CADPS2: variants seen among roughly 807,000 people sequenced by gnomAD.
CADPS2 encodes the protein calcium-dependent secretion activator 2.
CADPS2 carries 93 observed loss-of-function variants against 172.5 expected under a neutral mutation model. The ratio of observed to expected loss-of-function variants is 0.54; its 90% CI spans 0.46 to 0.64. The LOEUF (loss-of-function observed/expected upper bound fraction) is 0.64. CADPS2 is among the 30% of genes least tolerant of loss of function. The pLI, the probability that CADPS2 is intolerant of heterozygous loss-of-function variation, is 0.00. For missense variants in CADPS2, 1,420 were observed against 1,565.9 expected, an observed-to-expected ratio of 0.91 and a Z score of 1.57; for synonymous variants, 546 against 555.2, an observed-to-expected ratio of 0.98 and a Z score of 0.23.
intron 2 of CADPS2, among the ~76,000 whole-genome samples, chr7:122,678,469 G>A (rs780968295): frequency 1.3e-5 from 2 of 152,168 alleles, no homozygotes; most frequent in Non-Finnish European, 2.9e-5. Flanking sequence ...ATCTCTCAAA[G>A]GCTTGGAGTT....
At chr7:122,434,759 C>T (rs997237612) in intron 17 of CADPS2, among the ~76,000 whole-genome samples, 2 of 152,246 alleles carry the variant, frequency 1.3e-5, no homozygotes, top group African/African-American at 2.4e-5. Flanking sequence ...CTAGCAATTT[C>T]CTGATGGGAT....
intron 2 of CADPS2, among the ~76,000 whole-genome samples, chr7:122,723,122 A>C (rs1279069042): frequency 1.3e-5 from 2 of 152,180 alleles, no homozygotes; most frequent in Non-Finnish European, 2.9e-5. Context: ...AGGCATGGGC[A>C]AGGACTTCAT....
At chr7:122,368,961 A>G (rs2041345907) in intron 25 of CADPS2, among the ~76,000 whole-genome samples, 1 of 152,174 alleles carries the variant, frequency 6.6e-6, no homozygotes, top group Non-Finnish European at 1.5e-5. Context: ...ATGGGACTAG[A>G]ATCCAACTTT....
At chr7:122,871,045 G>A (rs1357240860) in intron 1 of CADPS2, among the ~76,000 whole-genome samples, 1 of 151,870 alleles carries the variant, frequency 6.6e-6, no homozygotes, top group Non-Finnish European at 1.5e-5. Context: ...TATTGATGAA[G>A]ATACAGCAAT....
chr7:122,874,686 A>G (rs1283053598), intron 1 of CADPS2, among the ~76,000 whole-genome samples: 1 of 152,202 alleles, frequency 6.6e-6, no homozygotes, highest in Non-Finnish European at 1.5e-5. Context: ...AAACAGATAT[A>G]TAGACTAGTG....
At chr7:122,595,935 C>T (rs1653084930) in intron 6 of CADPS2, among the ~76,000 whole-genome samples, 1 of 152,048 alleles carries the variant, frequency 6.6e-6, no homozygotes, top group Non-Finnish European at 1.5e-5. Context: ...AATGTGAGGG[C>T]TCAAAACCAG....
At chr7:122,633,580 T>C (rs1200560938) in intron 3 of CADPS2, among the ~76,000 whole-genome samples, 1 of 152,170 alleles carries the variant, frequency 6.6e-6, no homozygotes, top group Non-Finnish European at 1.5e-5. Flanking sequence ...CATTTATCAG[T>C]TCGAGAAGCT....
intron 9 of CADPS2, among the ~76,000 whole-genome samples, chr7:122,506,727 TAA>T (rs5887092): frequency 2.6e-3 from 365 of 142,036 alleles, no homozygotes; most frequent in African/African-American, 7.5e-3. Context: ...TAGAGTTATT[TAA>T]AAAAAAAAAA....
intron 2 of CADPS2, 100 bp from the exon 3 acceptor site, chr7:122,663,669 A>AT (rs2080862185): frequency 2.4e-6 from 2 of 836,790 alleles, no homozygotes; most frequent in Non-Finnish European, 3.7e-6. Flanking sequence ...GTTTCTACAA[A>AT]TATTTCAGCC....
At chr7:122,353,547 T>C (rs2038963349) in intron 27 of CADPS2, among the ~76,000 whole-genome samples, 2 of 152,328 alleles carry the variant, frequency 1.3e-5, no homozygotes, top group East Asian at 1.9e-4. Context: ...CCTTAGTGTC[T>C]AGCATAGAGT....
intron 3 of CADPS2, among the ~76,000 whole-genome samples, chr7:122,658,958 C>T (rs928237698): frequency 1.3e-5 from 2 of 151,358 alleles, no homozygotes; most frequent in Non-Finnish European, 3.0e-5. Context: ...ACAAGAAACA[C>T]TAAACATTAA....
Position 122,791,212 on chromosome 7 carries a change from A to G in CADPS2, c.340-54144T>C, listed in dbSNP as rs372355312. ...TCTCATTTAGACATCACAGTCTTAT[A>G]TAATAAATTATTCTCCCTCCTAGGT... is the stretch of plus-strand genomic sequence containing the variant. On this transcript the variant is annotated intron_variant, in intron 1 of 29. Coordinates refer to ENST00000449022, the MANE Select transcript of CADPS2 (RefSeq NM_017954.11). Among the ~76,000 whole-genome samples the G allele has an allele frequency of 1.6e-4, 24 of 152,306 alleles. 2 individuals carry two copies. In the East Asian group the frequency reaches 2.1e-3, roughly 13 times the overall value.
intron 2 of CADPS2, among the ~76,000 whole-genome samples, chr7:122,666,651 A>C (rs1199517026): frequency 6.6e-6 from 1 of 152,090 alleles, no homozygotes; most frequent in Non-Finnish European, 1.5e-5. Context: ...CAGCTAACAC[A>C]ATTTTAAGCA....
chr7:122,767,463 G>A (rs773905493), intron 1 of CADPS2, among the ~76,000 whole-genome samples: 9 of 152,116 alleles, frequency 5.9e-5, no homozygotes, highest in Non-Finnish European at 5.9e-5. Context: ...CCATAGTTGT[G>A]CCAACCATAG....
intron 1 of CADPS2, among the ~76,000 whole-genome samples, chr7:122,770,332 G>A (rs2093671992): frequency 6.6e-6 from 1 of 152,068 alleles, no homozygotes; most frequent in South Asian, 2.1e-4. Flanking sequence ...AAAAAGTATA[G>A]AAAATATGAG....
At chr7:122,385,148 T>C (rs182651025) in intron 24 of CADPS2, among the ~76,000 whole-genome samples, 8 of 152,144 alleles carry the variant, frequency 5.3e-5, no homozygotes, top group Non-Finnish European at 2.9e-5. Context: ...GCCACTGGTA[T>C]CTAAGCTAGC....
chr7:122,574,378 G>A (rs954405067), intron 7 of CADPS2, among the ~76,000 whole-genome samples: 3 of 140,974 alleles, frequency 2.1e-5, no homozygotes, highest in Non-Finnish European at 4.5e-5. Context: ...CCTAGCAGGT[G>A]GAGGCTGCAG....
intron 17 of CADPS2, chr7:122,436,294 G>T: frequency 2.1e-6 from 2 of 966,662 alleles, no homozygotes; most frequent in Non-Finnish European, 2.8e-6. Flanking sequence ...TCTCAACAAA[G>T]TGCTTTAAAA....
chr7:122,580,583 G>C (rs557644053), intron 7 of CADPS2, among the ~76,000 whole-genome samples: 2 of 152,140 alleles, frequency 1.3e-5, no homozygotes, highest in East Asian at 3.9e-4. Context: ...TAATGTTAAT[G>C]CTTTTACTGA....
Sources: gnomAD v4.1 joint callset for allele counts (sites outside exome capture counted in the v4.1 genomes callset) on GRCh38, gnomAD v4.1.1 for gene constraint, MANE v1.5 for transcripts, NCBI Gene and HGNC (gene_info 2026-07-23, HGNC 2026-07-21) for gene names.